The following HACE1 variants were observed in gnomAD, a reference collection of about 807,000 sequenced individuals.
The protein encoded by HACE1 is HECT domain and ankyrin repeat containing E3 ubiquitin protein ligase 1.
Under a neutral mutation model 118.4 loss-of-function variants are expected in HACE1, and 73 were observed. The ratio of observed to expected loss-of-function variants is 0.62; its 90% CI spans 0.51 to 0.75. HACE1 has a LOEUF of 0.75. Among genes scored for constraint, HACE1 ranks in the 30% least tolerant of loss-of-function variants. The pLI, the probability that HACE1 is intolerant of heterozygous loss-of-function variation, is 0.00. For synonymous variants in HACE1, 368 were observed against 374.8 expected, an observed-to-expected ratio of 0.98 and a Z score of 0.21; for missense variants, 749 against 1,102.2, an observed-to-expected ratio of 0.68 and a Z score of 4.54.
intron 20 of HACE1, among the ~76,000 whole-genome samples, chr6:104,745,005 GT>G (rs1271238831): frequency 6.6e-6 from 1 of 152,062 alleles, no homozygotes; most frequent in African/African-American, 2.4e-5. Context: ...CAACATGAAA[GT>G]GACAACAAAG....
At chr6:104,849,701 T>G (rs531918004) in intron 3 of HACE1, among the ~76,000 whole-genome samples, 1 of 143,980 alleles carries the variant, frequency 6.9e-6, no homozygotes, top group Non-Finnish European at 1.5e-5. Flanking sequence ...CAGGCTGGAG[T>G]GCAGTGGTGC....
intron 19 of HACE1, among the ~76,000 whole-genome samples, chr6:104,758,344 A>C (rs978612174): frequency 1.3e-5 from 2 of 152,228 alleles, no homozygotes; most frequent in African/African-American, 4.8e-5. Context: ...GACTATCAGC[A>C]GATCTCTCTG....
Position 104,792,229 on chromosome 6 carries a change from C to T in HACE1, c.924-575G>A, listed in dbSNP as rs73513920. Among the ~76,000 whole-genome samples, 1,031 of 152,176 alleles carry T rather than the reference C, an allele frequency of 6.8e-3. 13 individuals carry two copies. The highest frequency in any genetic ancestry group is 0.024 in the African/African-American group (986 of 41,510). The stretch of plus-strand genomic sequence containing the variant: ...TGCATTAGGTTTGTTCTCTACGTAA[C>T]GGGCTGCCTTATGACTATACACAAA... On this transcript the variant is annotated intron_variant, in intron 10 of 23. Coordinates refer to ENST00000262903, the MANE Select transcript of HACE1 (RefSeq NM_020771.4).
chr6:104,795,768 T>C (rs1364636012), intron 9 of HACE1, 83 bp from the exon 10 acceptor site: 5 of 797,038 alleles, frequency 6.3e-6, no homozygotes, highest in Non-Finnish European at 1.1e-5. Flanking sequence ...ATTAAGTATC[T>C]TAAAGCCAAT....
chr6:104,854,654 AC>A lies in HACE1; in HGVS notation c.77-2284del, dbSNP rs1261780325. ...TTTTGAGACAATTTTTGAGATGAGGACAAACTGTATATGGACTTGGTATTTT... is the reference window on the plus strand; with the variant it reads ...TTTTGAGACAATTTTTGAGATGAGGAAAACTGTATATGGACTTGGTATTTT... On this transcript the variant is annotated intron_variant, in intron 1 of 23. Coordinates refer to ENST00000262903, the MANE Select transcript of HACE1 (RefSeq NM_020771.4). 2.0e-5 allele frequency among the ~76,000 whole-genome samples: 3 copies of A among 152,040 alleles called. No individual in the cohort carries two copies. The East Asian group carries it at 5.8e-4, about 29-fold the overall frequency.
At chr6:104,779,323 T>A (rs1781510482) in intron 14 of HACE1, among the ~76,000 whole-genome samples, 1 of 152,224 alleles carries the variant, frequency 6.6e-6, no homozygotes, top group Non-Finnish European at 1.5e-5. Flanking sequence ...TCATCTGAGC[T>A]AAATTAAATA....
intron 19 of HACE1, among the ~76,000 whole-genome samples, chr6:104,765,554 T>C (rs1309139908): frequency 6.6e-6 from 1 of 152,248 alleles, no homozygotes; most frequent in African/African-American, 2.4e-5. Context: ...AATTCCTCAC[T>C]GAATTTCACC....
At chr6:104,795,523 G>T in intron 10 of HACE1, 56 bp downstream of exon 10, 2 of 985,326 alleles carry the variant, frequency 2.0e-6, no homozygotes, top group Non-Finnish European at 1.6e-6. Flanking sequence ...CTACTCAGGA[G>T]GTGAAGCCAA....
chr6:104,797,454 A>G (rs748101723), intron 7 of HACE1, among the ~76,000 whole-genome samples: 1 of 151,998 alleles, frequency 6.6e-6, no homozygotes, highest in African/African-American at 2.4e-5. Context: ...GAGTCAGAAC[A>G]AAAGTACATT....
At chr6:104,797,793 G>C (rs1468267710) in intron 7 of HACE1, among the ~76,000 whole-genome samples, 1 of 152,072 alleles carries the variant, frequency 6.6e-6, no homozygotes, top group South Asian at 2.1e-4. Context: ...CCAGGGCCAG[G>C]CATGGTGGCT....
intron 22 of HACE1, among the ~76,000 whole-genome samples, chr6:104,737,282 CAA>C (rs59915070): frequency 3.2e-3 from 138 of 42,694 alleles, no homozygotes; most frequent in East Asian, 0.032. Flanking sequence ...GACTCTCTCT[CAA>C]AAAAAAAAAA....
At chr6:104,841,347 GC>G (rs1775102359) in intron 5 of HACE1, among the ~76,000 whole-genome samples, 1 of 152,092 alleles carries the variant, frequency 6.6e-6, no homozygotes, top group South Asian at 2.1e-4. Context: ...AACATCTTAT[GC>G]AATTAAAACA....
At chr6:104,858,416 C>G (rs1201442364) in intron 1 of HACE1, 1 of 292,600 alleles carries the variant, frequency 3.4e-6, no homozygotes, top group Non-Finnish European at 6.9e-6. Flanking sequence ...AAGATTATCC[C>G]CAGGCCAGGC....
chr6:104,729,615 C>A lies in HACE1; in HGVS notation c.*47G>T. The A allele has an allele frequency of 1.1e-6, 1 of 922,866 alleles. No individual in the cohort carries two copies. The highest frequency in any genetic ancestry group is 1.8e-6 in the Non-Finnish European group (1 of 549,758). The allele number at this position is 922,866 out of a possible 1,614,324, so 57.2% of individuals were successfully genotyped here. A position where few individuals can be genotyped will look rare whatever the true frequency, so the allele number is the denominator to read the frequency against. On this transcript the variant is annotated 3_prime_UTR_variant, in exon 24 of 24. Transcript: ENST00000262903. ...TTGACATTTTCCCAAATTACTTCTGCCATTCTGAATTGTGCATCAGTAGTC... is the reference window on the plus strand; with the variant it reads ...TTGACATTTTCCCAAATTACTTCTGACATTCTGAATTGTGCATCAGTAGTC...
At chr6:104,813,479 A>T (rs1029758102) in intron 6 of HACE1, among the ~76,000 whole-genome samples, 2 of 138,652 alleles carry the variant, frequency 1.4e-5, no homozygotes, top group Non-Finnish European at 3.1e-5. Flanking sequence ...CCAAGGTTAA[A>T]TTTTCCCCTG....
At chr6:104,833,242 G>A (rs1339447393) in intron 5 of HACE1, 69 bp from the exon 6 acceptor site, 2 of 1,386,018 alleles carry the variant, frequency 1.4e-6, no homozygotes, top group African/African-American at 1.4e-5. Flanking sequence ...GATAAATAAT[G>A]TTATTTCTCA....
At chr6:104,794,915 A>G (rs1195637273) in intron 10 of HACE1, among the ~76,000 whole-genome samples, 1 of 151,938 alleles carries the variant, frequency 6.6e-6, no homozygotes, top group African/African-American at 2.4e-5. Context: ...AAAAAAAATA[A>G]TTGTATATAT....
intron 18 of HACE1, 119 bp downstream of exon 18, chr6:104,771,806 T>C (rs1380699243): frequency 6.7e-6 from 5 of 751,448 alleles, no homozygotes; most frequent in African/African-American, 1.8e-5. Context: ...CATATACAGA[T>C]GGGCTCCAAT....
intron 1 of HACE1, among the ~76,000 whole-genome samples, chr6:104,859,104 G>C (rs1043277756): frequency 5.9e-5 from 9 of 152,174 alleles, no homozygotes; most frequent in African/African-American, 2.2e-4. Context: ...ATCAAAACAA[G>C]GCAGTGCCCC....
Sources: allele counts gnomAD v4.1 joint callset (sites outside exome capture counted in the v4.1 genomes callset), GRCh38; gene constraint gnomAD v4.1.1; transcripts MANE v1.5; gene names NCBI Gene and HGNC (gene_info 2026-07-23, HGNC 2026-07-21).